Variants in GARIN2 observed in about 807,000 individuals in gnomAD.
GARIN2 encodes the protein golgi associated RAB2 interactor family member 2.
the GARIN2 span, among the ~76,000 whole-genome samples, chr14:67,216,049 A>T: frequency 6.6e-6 from 1 of 152,168 alleles, no homozygotes; most frequent in African/African-American, 2.4e-5. Context: ...AATAGTGCAT[A>T]GAGTTCCACA....
the GARIN2 span, among the ~76,000 whole-genome samples, chr14:67,222,745 A>G: frequency 3.9e-5 from 6 of 152,108 alleles, no homozygotes; most frequent in African/African-American, 7.2e-5. Flanking sequence ...TGAGTGCTGA[A>G]CCAGCTCTAA....
chr14:67,200,093 G>A, the GARIN2 span: 182 of 1,012,516 alleles, frequency 1.8e-4, 1 homozygote, highest in African/African-American at 2.8e-3. Flanking sequence ...CCTTATCCTG[G>A]ACCTCCTCCA....
the GARIN2 span, chr14:67,204,578 C>T: frequency 1.2e-5 from 20 of 1,613,440 alleles, no homozygotes; most frequent in Non-Finnish European, 1.6e-5. Flanking sequence ...GTGCATGATG[C>T]GGAGAACATG....
the GARIN2 span, chr14:67,204,827 C>T: frequency 2.5e-5 from 41 of 1,613,942 alleles, no homozygotes; most frequent in African/African-American, 8.0e-5. Context: ...ATCCTGACCC[C>T]GTACATGTAT....
chr14:67,202,986 G>T, the GARIN2 span: 2 of 1,179,534 alleles, frequency 1.7e-6, no homozygotes, highest in African/African-American at 3.1e-5. Flanking sequence ...ATATATCATG[G>T]TTCATTCCTC....
At chr14:67,215,406 G>GGTT in the GARIN2 span, among the ~76,000 whole-genome samples, 13 of 109,518 alleles carry the variant, frequency 1.2e-4, no homozygotes, top group South Asian at 7.6e-4. Flanking sequence ...CTGATCTATT[G>GGTT]TTTTTTTTTT....
At chr14:67,211,181 T>G in the GARIN2 span, among the ~76,000 whole-genome samples, 1 of 152,194 alleles carries the variant, frequency 6.6e-6, no homozygotes, top group Non-Finnish European at 1.5e-5. Flanking sequence ...ATTAAATAGC[T>G]GATATTAAAA....
chr14:67,227,120 T>A, the GARIN2 span, among the ~76,000 whole-genome samples: 1 of 152,164 alleles, frequency 6.6e-6, no homozygotes, highest in Admixed American at 6.5e-5. Flanking sequence ...AATTATACCA[T>A]ACTTAAATTT....
chr14:67,200,231 C>G, the GARIN2 span: 1 of 994,384 alleles, frequency 1.0e-6, no homozygotes, highest in Admixed American at 3.1e-5. Context: ...CTCCACAACC[C>G]ACACCCTATG....
At chr14:67,203,037 G>T in the GARIN2 span, 16 of 1,555,986 alleles carry the variant, frequency 1.0e-5, no homozygotes, top group South Asian at 1.8e-4. Flanking sequence ...AGGCAAGCAA[G>T]GTTGTCAAAG....
chr14:67,199,576 C>T, the GARIN2 span: 1 of 1,596,680 alleles, frequency 6.3e-7, no homozygotes, highest in Non-Finnish European at 8.6e-7. Flanking sequence ...ACCACCCTAT[C>T]ACCGTATCTT....
At chr14:67,206,250 G>A in the GARIN2 span, among the ~76,000 whole-genome samples, 1 of 152,242 alleles carries the variant, frequency 6.6e-6, no homozygotes, top group East Asian at 1.9e-4. Flanking sequence ...TGTAATCCCA[G>A]CACTTTGGGA....
At chr14:67,215,651 T>G in the GARIN2 span, among the ~76,000 whole-genome samples, 1 of 152,148 alleles carries the variant, frequency 6.6e-6, no homozygotes, top group East Asian at 1.9e-4. Context: ...GTGGAAAACA[T>G]ACCTTTCACT....
the GARIN2 span, among the ~76,000 whole-genome samples, chr14:67,195,009 A>G: frequency 6.6e-6 from 1 of 152,146 alleles, no homozygotes; most frequent in African/African-American, 2.4e-5. Context: ...CCAAGCCTGG[A>G]CTAATTAACT....
the GARIN2 span, chr14:67,204,519 C>T: frequency 6.2e-7 from 1 of 1,607,076 alleles, no homozygotes; most frequent in Non-Finnish European, 8.5e-7. Context: ...GATGATGTTA[C>T]CGTGTGCTTG....
the GARIN2 span, chr14:67,198,418 C>T: frequency 1.0e-5 from 12 of 1,166,630 alleles, no homozygotes; most frequent in Admixed American, 4.2e-5. Context: ...TTAAATGTGC[C>T]GAGGGAATGT....
At chr14:67,204,731 CG>C in the GARIN2 span, 2 of 1,613,780 alleles carry the variant, frequency 1.2e-6, no homozygotes, top group African/African-American at 2.7e-5. Flanking sequence ...TCCAAAGTGT[CG>C]GAGGTTTCAA....
At chr14:67,193,070 A>G in the GARIN2 span, among the ~76,000 whole-genome samples, 1 of 144,868 alleles carries the variant, frequency 6.9e-6, no homozygotes, top group Admixed American at 7.0e-5. Flanking sequence ...ATATCTATAT[A>G]TATCCATATA....
chr14:67,199,443 A>G, the GARIN2 span: 1 of 1,612,930 alleles, frequency 6.2e-7, no homozygotes, highest in Non-Finnish European at 8.5e-7. Context: ...GTCATCTTAC[A>G]AACCCCCAAG....
Sources: gnomAD v4.1 joint callset for allele counts (sites outside exome capture counted in the v4.1 genomes callset) on GRCh38, gnomAD v4.1.1 for gene constraint, MANE v1.5 for transcripts, NCBI Gene and HGNC (gene_info 2026-07-23, HGNC 2026-07-21) for gene names.